Variants in FUT8 observed in about 807,000 individuals in gnomAD.
The protein encoded by FUT8 is alpha-(1,6)-fucosyltransferase.
Under a neutral mutation model 71.3 loss-of-function variants are expected in FUT8, and 29 were observed. The observed-to-expected ratio is 0.41, with a 90% CI of 0.30 to 0.55. The LOEUF is 0.55. Ranked by LOEUF, FUT8 falls within the 20% of genes least tolerant of loss-of-function variation. FUT8 has a pLI of 0.34. For synonymous variants in FUT8, 254 were observed against 239.3 expected, an observed-to-expected ratio of 1.06 and a Z score of -0.57; for missense variants, 544 against 702.1, an observed-to-expected ratio of 0.77 and a Z score of 2.55.
chr14:65,611,988 T>C (rs1353763704), intron 3 of FUT8, among the ~76,000 whole-genome samples: 1 of 152,188 alleles, frequency 6.6e-6, no homozygotes, highest in Non-Finnish European at 1.5e-5. Context: ...CTTTTTTATA[T>C]CTTCCCTGTC....
At chr14:65,361,954 A>G in the FUT8 span, among the ~76,000 whole-genome samples, 1 of 152,132 alleles carries the variant, frequency 6.6e-6, no homozygotes, top group Non-Finnish European at 1.5e-5. Context: ...ATAAACTTTC[A>G]TCAGCTGTTT....
intron 7 of FUT8, among the ~76,000 whole-genome samples, chr14:65,697,058 GT>G (rs1326178800): frequency 2.6e-5 from 4 of 152,118 alleles, no homozygotes; most frequent in Non-Finnish European, 4.4e-5. Flanking sequence ...GGTTCTGAGG[GT>G]TTGTATCTTC....
rs963416511 is a variant in FUT8 at position 65,439,977 on chromosome 14, T to C, written c.-325-15644T>C. On this transcript the variant is annotated intron_variant, in intron 1 of 10. Transcript: ENST00000673929. ...GTGTATATATATATATATATATATA[T>C]ATATATATATATATGTACACACACA... 1.2e-4 allele frequency among the ~76,000 whole-genome samples: 17 copies of C among 137,336 alleles called. 2 individuals are homozygous for C. The East Asian group carries it at 1.5e-3, about 12-fold the overall frequency. The allele number at this position is 137,336 out of a possible 152,430, so 90.1% of individuals were successfully genotyped here.
At chr14:65,383,437 G>A in the FUT8 span, among the ~76,000 whole-genome samples, 2 of 151,980 alleles carry the variant, frequency 1.3e-5, no homozygotes, top group Non-Finnish European at 2.9e-5. Context: ...ACCACACTCA[G>A]CTAATTTTTA....
chr14:65,469,930 G>A (rs2139627398), intron 2 of FUT8, among the ~76,000 whole-genome samples: 1 of 152,316 alleles, frequency 6.6e-6, no homozygotes, highest in African/African-American at 2.4e-5. Context: ...TGCGGGACTG[G>A]CAGCCCGGTC....
intron 6 of FUT8, among the ~76,000 whole-genome samples, chr14:65,650,910 T>A (rs940156603): frequency 6.6e-6 from 1 of 152,120 alleles, no homozygotes; most frequent in African/African-American, 2.4e-5. Flanking sequence ...CTTCCCCAGG[T>A]GCTGTAGCTA....
intron 2 of FUT8, among the ~76,000 whole-genome samples, chr14:65,474,141 C>T (rs903903201): frequency 2.6e-5 from 4 of 151,686 alleles, no homozygotes; most frequent in African/African-American, 9.7e-5. Flanking sequence ...GAGACTGAGA[C>T]GCGGGGAGAA....
upstream of FUT8, among the ~76,000 whole-genome samples, chr14:65,408,343 T>C (rs1318184378): frequency 1.3e-5 from 2 of 152,078 alleles, no homozygotes; most frequent in African/African-American, 4.8e-5. Flanking sequence ...CACAACCCAC[T>C]ACAGACTGGT....
rs1382386381 is a variant in FUT8, at chr14:65,476,379, G to T, written c.-228+20661G>T. Among the ~76,000 whole-genome samples, 3 of 152,266 alleles carry T rather than the reference G, an allele frequency of 2.0e-5. No homozygotes were observed. In the South Asian group the frequency reaches 6.2e-4, roughly 32 times the overall value. ...CTTCATGCAGTAACTCAAAATCATT[G>T]TTAATAAGGTGATATCTAAAAGATT... On this transcript the variant is annotated intron_variant, in intron 2 of 10. Coordinates refer to ENST00000673929, the MANE Select transcript of FUT8 (RefSeq NM_001371533.1).
intron 1 of FUT8, among the ~76,000 whole-genome samples, chr14:65,447,292 A>T (rs1311810362): frequency 4.6e-5 from 6 of 131,544 alleles, no homozygotes; most frequent in African/African-American, 1.8e-4. Context: ...AGACTCTCTC[A>T]AAAAAAAAAA....
In FUT8 at chr14:65,616,376, A is replaced by G; in HGVS notation, c.482+3A>G. ...TTGGATTTAGGACATCATGAAAGGT[A>G]CTATTCTCCTTTCACATTTTATTTG... On this transcript the variant is annotated splice_donor_region_variant and intron_variant, in intron 5 of 10. Transcript: ENST00000673929. 6.4e-7 allele frequency: 1 copy of G among 1,559,768 alleles called. No homozygotes were observed. The highest frequency in any genetic ancestry group is 8.7e-7 in the Non-Finnish European group (1 of 1,153,606).
At chr14:65,681,800 A>G (rs1443070587) in intron 7 of FUT8, among the ~76,000 whole-genome samples, 3 of 152,318 alleles carry the variant, frequency 2.0e-5, no homozygotes, top group East Asian at 3.9e-4. Flanking sequence ...ATCTAATTTA[A>G]TATTCACAAT....
chr14:65,726,873 G>C (rs1450615458), intron 9 of FUT8, among the ~76,000 whole-genome samples: 1 of 152,182 alleles, frequency 6.6e-6, no homozygotes, highest in African/African-American at 2.4e-5. Context: ...TACAGTGGGG[G>C]TACAGGCATT....
chr14:65,386,037 A>G, the FUT8 span, among the ~76,000 whole-genome samples: 1 of 152,046 alleles, frequency 6.6e-6, no homozygotes, highest in African/African-American at 2.4e-5. Context: ...CTGTAATCCC[A>G]GCTACTTGGG....
At chr14:65,487,876 G>A (rs2066432494) in intron 2 of FUT8, among the ~76,000 whole-genome samples, 1 of 152,182 alleles carries the variant, frequency 6.6e-6, no homozygotes, top group Non-Finnish European at 1.5e-5. Context: ...TGCCCAGGCT[G>A]GAGTACAGTG....
intron 2 of FUT8, among the ~76,000 whole-genome samples, chr14:65,491,072 A>G (rs1352738330): frequency 6.6e-6 from 1 of 152,124 alleles, no homozygotes; most frequent in Non-Finnish European, 1.5e-5. Flanking sequence ...ATTGGACCAT[A>G]TTAAAACTGG....
intron 3 of FUT8, among the ~76,000 whole-genome samples, chr14:65,600,791 A>T (rs764289838): frequency 6.6e-6 from 1 of 152,190 alleles, no homozygotes; most frequent in South Asian, 2.1e-4. Flanking sequence ...TTACATTTCC[A>T]TTTAAAAAAT....
At chr14:65,390,283 A>G in the FUT8 span, among the ~76,000 whole-genome samples, 2 of 150,092 alleles carry the variant, frequency 1.3e-5, no homozygotes, top group African/African-American at 4.9e-5. Flanking sequence ...AGATTGTGCC[A>G]CTGCACTCCA....
rs2065250484 is a variant in FUT8, at chr14:65,418,528, A to G, written c.-326+5314A>G. Among the ~76,000 whole-genome samples the G allele has an allele frequency of 3.3e-5, 5 of 152,226 alleles. No homozygotes were observed. The South Asian group carries it at 1.0e-3, about 32-fold the overall frequency. On this transcript the variant is annotated intron_variant, in intron 1 of 10. Coordinates refer to ENST00000673929, the MANE Select transcript of FUT8 (RefSeq NM_001371533.1). Reference sequence around the variant, plus strand: ...TAATCTAAGCATTTTTACAATTAATACAATTGATAGTAATATCTTAATTAG... The same window carrying G: ...TAATCTAAGCATTTTTACAATTAATGCAATTGATAGTAATATCTTAATTAG...
Sources: gnomAD v4.1 joint callset for allele counts (sites outside exome capture counted in the v4.1 genomes callset) on GRCh38, gnomAD v4.1.1 for gene constraint, MANE v1.5 for transcripts, NCBI Gene and HGNC (gene_info 2026-07-23, HGNC 2026-07-21) for gene names.